The following FAT4 variants were observed in gnomAD, a reference collection of about 807,000 sequenced individuals.
The protein encoded by FAT4 is FAT atypical cadherin 4.
Under a neutral mutation model 303.9 loss-of-function variants are expected in FAT4, and 84 were observed. The observed-to-expected ratio is 0.28, with a 90% confidence interval of 0.23 to 0.33. The LOEUF (loss-of-function observed/expected upper bound fraction) is 0.33, where lower values mean the gene tolerates loss of function less well. FAT4 is among the 10% of genes least tolerant of loss of function. The probability of loss-of-function intolerance (pLI) is 1.00; values close to 1 mark genes in which losing one functional copy is unlikely to be tolerated. For missense variants in FAT4, 6,005 were observed against 6,146.8 expected (o/e 0.98, Z 0.77); for synonymous variants, 2,307 against 2,298.8 (o/e 1.00, Z -0.10).
At chr4:125,338,940 T>A (rs1175192152) in intron 2 of FAT4, among the ~76,000 whole-genome samples, 1 of 152,146 alleles carries the variant, frequency 6.6e-6, no homozygotes. Flanking sequence ...TTGGGCCTCA[T>A]CCAAGGGATA....
chr4:125,368,522 G>GTGTA (rs1553963709), intron 2 of FAT4, among the ~76,000 whole-genome samples: 44 of 133,804 alleles, frequency 3.3e-4, no homozygotes, highest in Non-Finnish European at 4.6e-4. Flanking sequence ...TTATATATAT[G>GTGTA]TATATATATA....
At chr4:125,471,903 A>C (rs1726873624) in intron 12 of FAT4, among the ~76,000 whole-genome samples, 1 of 123,138 alleles carries the variant, frequency 8.1e-6, no homozygotes, top group African/African-American at 3.8e-5. Flanking sequence ...TACAAAAAAA[A>C]AAAAAAAAAA....
intron 4 of FAT4, 63 bp downstream of exon 4, chr4:125,407,204 A>G: frequency 2.8e-6 from 4 of 1,430,882 alleles, no homozygotes; most frequent in Non-Finnish European, 2.9e-6. Context: ...ATTACATACT[A>G]TGTTTCGGCT....
intron 8 of FAT4, chr4:125,446,024 T>C (rs1164493811): frequency 3.7e-6 from 1 of 267,728 alleles, no homozygotes; most frequent in Non-Finnish European, 7.1e-6. Flanking sequence ...GGGGTTTGTT[T>C]GGTGGCCTTG....
chr4:125,473,601 A>T (rs1228573135), intron 12 of FAT4, among the ~76,000 whole-genome samples: 1 of 152,134 alleles, frequency 6.6e-6, no homozygotes, highest in Admixed American at 6.5e-5. Context: ...GATGAGTAAT[A>T]GTAGACATCA....
rs966628798 is a variant in FAT4 at position 125,468,942 on chromosome 4, C to T, written c.12213+123C>T. 3.0e-5 allele frequency: 32 copies of T among 1,079,128 alleles called. No homozygotes were observed. In the East Asian group the frequency reaches 7.0e-4, roughly 24 times the overall value. 66.8% of individuals were successfully genotyped at this position (1,079,128 alleles called of 1,614,324 possible). A position where few individuals can be genotyped will look rare whatever the true frequency, so the allele number is the denominator to read the frequency against. ...AAATGAACACTTTAGTTATGAAAAA[C>T]TTAGACATAATATTTTTCTTTTGCT... On this transcript the variant is annotated intron_variant, in intron 12 of 17. Coordinates refer to ENST00000394329, the MANE Select transcript of FAT4 (RefSeq NM_001291303.3).
At chr4:125,403,558 A>G (rs1179430083) in intron 3 of FAT4, among the ~76,000 whole-genome samples, 1 of 151,976 alleles carries the variant, frequency 6.6e-6, no homozygotes, top group Non-Finnish European at 1.5e-5. Context: ...TTCAACTGAC[A>G]CCCACATAAA....
chr4:125,448,964 T>C lies in FAT4; in HGVS notation c.7954T>C (p.Ser2652Pro), dbSNP rs778313577. ...CAGAGACGGTGGTTTCCCTCCTTTC[T>C]CCTCTTACGAGAAACTTGATATAAC... Reference protein sequence around the residue: ...EARDGGFPPFSSYEKLDITVL... With the variant: ...EARDGGFPPFPSYEKLDITVL... The change falls in exon 10 of 18, where the codon TCC becomes CCC. Residue 2652 changes from serine to proline, a missense_variant. Physicochemically the swap from Ser to Pro is moderately conservative, Grantham distance 74 (BLOSUM62 -1). Transcript: ENST00000394329. 3.7e-6 allele frequency: 6 copies of C among 1,613,840 alleles called. No individual in the cohort carries two copies. Among genetic ancestry groups the C allele is most frequent in the Non-Finnish European group, 5.1e-6 (6 of 1,179,908 alleles).
rs756243213 is a variant in FAT4 at position 125,490,781 on chromosome 4, G to A, written c.13965G>A (p.Arg4655=). 3.1e-6 allele frequency: 5 copies of A among 1,613,964 alleles called. No homozygotes were observed. In the Admixed American group the frequency reaches 8.3e-5, roughly 27 times the overall value. Residue 4655 remains arginine, a synonymous_variant, in exon 18 of 18, where the codon AGG becomes AGA. Coordinates refer to ENST00000394329, the MANE Select transcript of FAT4 (RefSeq NM_001291303.3). ...ACACACCAAAATTTTCAATCCAGAGGCACAGTCCCCTAGGCTTTGCAAGGC... is the reference window on the plus strand; with the variant it reads ...ACACACCAAAATTTTCAATCCAGAGACACAGTCCCCTAGGCTTTGCAAGGC... ...RSHTPKFSIQ[R]HSPLGFARQS...
chr4:125,351,932 G>T (rs1243908495), intron 2 of FAT4, among the ~76,000 whole-genome samples: 1 of 151,758 alleles, frequency 6.6e-6, no homozygotes, highest in African/African-American at 2.4e-5. Flanking sequence ...GTAGGCACAG[G>T]ATTTAAGGCA....
rs770828538 is a variant in FAT4 at position 125,448,715 on chromosome 4, G to A, written c.7705G>A (p.Val2569Met). The change falls in exon 10 of 18, where the codon GTG (valine) becomes ATG (methionine). Residue 2569 changes from valine (V) to methionine (M), a missense_variant. By Grantham distance (21) the Val-to-Met change is conservative. Coordinates refer to ENST00000394329, the MANE Select transcript of FAT4 (RefSeq NM_001291303.3). ...CGTGAATAAGGCCGATTTCCCTAAA[G>A]TGAGAGCCAAAGAACAAACGTTCAT... The part of the protein sequence containing the change: ...RFVNKADFPK[V>M]RAKEQTFMFP... 6.2e-7 allele frequency: 1 copy of A among 1,613,886 alleles called. No homozygotes were observed. The highest frequency in any genetic ancestry group is 1.7e-5 in the Admixed American group (1 of 59,996).
chr4:125,338,910 T>C (rs1305931617), intron 2 of FAT4, among the ~76,000 whole-genome samples: 1 of 152,168 alleles, frequency 6.6e-6, no homozygotes, highest in African/African-American at 2.4e-5. Context: ...AAATAGCGTT[T>C]GATTTAAAGC....
chr4:125,363,005 T>G (rs951543490), intron 2 of FAT4: 11 of 152,058 alleles, frequency 7.2e-5, no homozygotes, highest in African/African-American at 2.7e-4. Flanking sequence ...ATGGTTTATA[T>G]AAATGTGAAA....
At chr4:125,440,941 T>A (rs1725641462) in intron 8 of FAT4, among the ~76,000 whole-genome samples, 1 of 152,186 alleles carries the variant, frequency 6.6e-6, no homozygotes, top group African/African-American at 2.4e-5. Context: ...AATTCTCATG[T>A]TTCTTCTTTT....
At chr4:125,413,106 A>G (rs1734908863) in intron 5 of FAT4, among the ~76,000 whole-genome samples, 1 of 151,836 alleles carries the variant, frequency 6.6e-6, no homozygotes, top group Admixed American at 6.6e-5. Flanking sequence ...ATATATACAC[A>G]CACAATATAA....
At chr4:125,337,289 C>G (rs1334279673) in intron 2 of FAT4, among the ~76,000 whole-genome samples, 1 of 151,992 alleles carries the variant, frequency 6.6e-6, no homozygotes, top group African/African-American at 2.4e-5. Context: ...AATAACCACA[C>G]TCCAAAGTAC....
At chr4:125,467,983 G>C (rs191476243) in intron 11 of FAT4, among the ~76,000 whole-genome samples, 1 of 152,142 alleles carries the variant, frequency 6.6e-6, no homozygotes, top group East Asian at 1.9e-4. Flanking sequence ...TGACCAACAA[G>C]GTGAAATCTC....
chr4:125,474,681 T>C (rs984528735), intron 12 of FAT4, among the ~76,000 whole-genome samples: 6 of 151,950 alleles, frequency 3.9e-5, no homozygotes, highest in Admixed American at 1.3e-4. Context: ...TTCACCTCAG[T>C]CTTTGTTTTT....
At chr4:125,321,643 T>G in intron 2 of FAT4, 57 bp downstream of exon 2, 1 of 1,472,164 alleles carries the variant, frequency 6.8e-7, no homozygotes, top group South Asian at 1.4e-5. Flanking sequence ...AAAATCATTC[T>G]CTTTATATTT....
Sources: allele counts gnomAD v4.1 joint callset (sites outside exome capture counted in the v4.1 genomes callset), GRCh38; gene constraint gnomAD v4.1.1; transcripts MANE v1.5; gene names NCBI Gene and HGNC (gene_info 2026-07-23, HGNC 2026-07-21).